TCF12: variants seen among roughly 807,000 people sequenced by gnomAD.
The protein encoded by TCF12 is transcription factor 12.
Under a neutral mutation model 86.0 loss-of-function variants are expected in TCF12, and 45 were observed. The ratio of observed to expected loss-of-function variants is 0.52; its 90% confidence interval spans 0.41 to 0.67. TCF12 has a LOEUF of 0.67. Ranked by LOEUF, TCF12 falls within the 30% of genes least tolerant of loss-of-function variation. The probability of loss-of-function intolerance (pLI) is 0.00; values close to 1 mark genes in which losing one functional copy is unlikely to be tolerated. For missense variants in TCF12, 881 were observed against 859.9 expected (o/e 1.02, Z -0.31); for synonymous variants, 330 against 299.6 (o/e 1.10, Z -1.05).
chr15:57,283,020 G>C (rs762145171), intron 20 of TCF12, among the ~76,000 whole-genome samples: 12 of 152,128 alleles, frequency 7.9e-5, no homozygotes, highest in Non-Finnish European at 1.3e-4. Flanking sequence ...TTGTCATGAA[G>C]CCTTTATACA....
intron 19 of TCF12, chr15:57,278,749 C>G (rs557112484): frequency 3.2e-5 from 4 of 124,070 alleles, no homozygotes; most frequent in East Asian, 5.1e-4. Context: ...CCCTCCCTCC[C>G]TCTCTCTCCC....
At chr15:57,215,871 A>G (rs1321605904) in intron 8 of TCF12, among the ~76,000 whole-genome samples, 5 of 152,178 alleles carry the variant, frequency 3.3e-5, no homozygotes, top group African/African-American at 1.2e-4. Flanking sequence ...GGATAACTCT[A>G]AGAAATTTTA....
chr15:56,928,609 C>T (rs2060116457), intron 3 of TCF12, among the ~76,000 whole-genome samples: 1 of 152,146 alleles, frequency 6.6e-6, no homozygotes, highest in African/African-American at 2.4e-5. Flanking sequence ...ATGAAGTACC[C>T]AGGAACCTTA....
chr15:57,148,984 A>C (rs1178952969), intron 5 of TCF12, among the ~76,000 whole-genome samples: 1 of 152,214 alleles, frequency 6.6e-6, no homozygotes, highest in Non-Finnish European at 1.5e-5. Context: ...CTATGTTTAC[A>C]TTGCCAGGAT....
chr15:57,238,206 A>AT (rs1227422107), intron 12 of TCF12, among the ~76,000 whole-genome samples: 166 of 148,380 alleles, frequency 1.1e-3, no homozygotes, highest in African/African-American at 2.4e-3. Context: ...TTAGACAGTG[A>AT]TTTTTTTTTT....
chr15:56,931,891 G>C (rs1450513306), intron 3 of TCF12, among the ~76,000 whole-genome samples: 1 of 152,182 alleles, frequency 6.6e-6, no homozygotes, highest in African/African-American at 2.4e-5. Flanking sequence ...TGCTTGTACT[G>C]TTGCTAGTGT....
intron 3 of TCF12, among the ~76,000 whole-genome samples, chr15:56,972,893 A>G (rs1191340523): frequency 6.6e-6 from 1 of 152,186 alleles, no homozygotes; most frequent in Non-Finnish European, 1.5e-5. Flanking sequence ...TTTGGACTAT[A>G]TAGCTTCAGG....
At chr15:56,963,402 C>G (rs1347973190) in intron 3 of TCF12, among the ~76,000 whole-genome samples, 1 of 152,042 alleles carries the variant, frequency 6.6e-6, no homozygotes, top group East Asian at 1.9e-4. Flanking sequence ...TGCTTTTTGT[C>G]TGAGGAAAGC....
chr15:57,040,447 A>G (rs1256642030), intron 3 of TCF12, among the ~76,000 whole-genome samples: 1 of 152,230 alleles, frequency 6.6e-6, no homozygotes, highest in African/African-American at 2.4e-5. Flanking sequence ...AATGTCAGGG[A>G]ACAGATGGAA....
intron 3 of TCF12, among the ~76,000 whole-genome samples, chr15:56,982,990 G>C (rs1222259801): frequency 1.3e-5 from 2 of 152,174 alleles, no homozygotes; most frequent in Admixed American, 6.5e-5. Context: ...TGGTCATATT[G>C]AGGGACTACA....
At chr15:57,053,835 G>A (rs1391656906) in intron 3 of TCF12, among the ~76,000 whole-genome samples, 9 of 152,124 alleles carry the variant, frequency 5.9e-5, no homozygotes, top group African/African-American at 2.2e-4. Context: ...ATAAGAGTAA[G>A]AGTTATATTT....
intron 3 of TCF12, among the ~76,000 whole-genome samples, chr15:57,012,498 C>T (rs927089179): frequency 6.6e-6 from 1 of 152,104 alleles, no homozygotes; most frequent in South Asian, 2.1e-4. Flanking sequence ...AAGTGTGGCT[C>T]TCAGGAATTA....
chr15:57,276,234 T>TGCC (rs1812570658), intron 19 of TCF12, among the ~76,000 whole-genome samples: 2 of 152,236 alleles, frequency 1.3e-5, no homozygotes, highest in African/African-American at 4.8e-5. Context: ...GAAATCTGGC[T>TGCC]GGTCCCAGAA....
intron 5 of TCF12, among the ~76,000 whole-genome samples, chr15:57,123,804 C>CA (rs2051410787): frequency 6.6e-6 from 1 of 151,342 alleles, no homozygotes; most frequent in South Asian, 2.1e-4. Flanking sequence ...GTACAAAAAA[C>CA]AAAAAAATAG....
At chr15:57,221,478 T>C (rs944629999) in intron 8 of TCF12, among the ~76,000 whole-genome samples, 1 of 151,540 alleles carries the variant, frequency 6.6e-6, no homozygotes, top group Non-Finnish European at 1.5e-5. Context: ...AAAATGAGTT[T>C]AGATTTTATT....
At chr15:56,974,738 T>C (rs992224546) in intron 3 of TCF12, among the ~76,000 whole-genome samples, 7 of 152,080 alleles carry the variant, frequency 4.6e-5, no homozygotes, top group African/African-American at 1.7e-4. Flanking sequence ...GAAAAAGTAA[T>C]GAGGCAGAGT....
At chr15:57,028,947 G>GC (rs1336224371) in intron 3 of TCF12, among the ~76,000 whole-genome samples, 3 of 151,962 alleles carry the variant, frequency 2.0e-5, no homozygotes, top group African/African-American at 7.3e-5. Flanking sequence ...ACAGGTGTGC[G>GC]CCACCATGCC....
intron 5 of TCF12, among the ~76,000 whole-genome samples, chr15:57,094,795 G>T (rs1245094372): frequency 6.6e-6 from 1 of 152,158 alleles, no homozygotes; most frequent in Non-Finnish European, 1.5e-5. Context: ...GTGGGGGAGG[G>T]ATTGTACATC....
intron 8 of TCF12, among the ~76,000 whole-genome samples, chr15:57,218,064 C>T (rs1196707668): frequency 6.6e-6 from 1 of 152,040 alleles, no homozygotes; most frequent in Non-Finnish European, 1.5e-5. Context: ...AAGTTAGTTG[C>T]CCTTATTGTC....
Sources: gnomAD v4.1 joint callset for allele counts (sites outside exome capture counted in the v4.1 genomes callset) on GRCh38, gnomAD v4.1.1 for gene constraint, MANE v1.5 for transcripts, NCBI Gene and HGNC (gene_info 2026-07-23, HGNC 2026-07-21) for gene names.